Variants in OR2L13 observed in about 807,000 individuals in gnomAD.
OR2L13 encodes olfactory receptor family 2 subfamily L member 13, also known as olfactory receptor 2L13.
In OR2L13, 14 loss-of-function variants were observed where a neutral mutation model predicts 15.3. The ratio of observed to expected loss-of-function variants is 0.91; its 90% CI spans 0.60 to 1.43. The LOEUF is 1.43. Among genes scored for constraint, OR2L13 ranks in the 40% most tolerant of loss-of-function variants. The pLI is 0.00. For synonymous variants in OR2L13, 152 were observed against 142.9 expected, an observed-to-expected ratio of 1.06 and a Z score of -0.45; for missense variants, 367 against 387.9, an observed-to-expected ratio of 0.95 and a Z score of 0.45.
At chr1:248,022,546 T>G in the OR2L13 span, 1 of 1,614,204 alleles carries the variant, frequency 6.2e-7, no homozygotes, top group East Asian at 2.2e-5. Flanking sequence ...ACAGTGTTTT[T>G]GAGCAGCACC....
At chr1:247,985,614 G>T in the OR2L13 span, among the ~76,000 whole-genome samples, 2 of 151,998 alleles carry the variant, frequency 1.3e-5, no homozygotes, top group African/African-American at 2.4e-5. Flanking sequence ...TAATCCTTTG[G>T]TTATATACGC....
At chr1:247,995,594 C>A in the OR2L13 span, among the ~76,000 whole-genome samples, 218 of 152,278 alleles carry the variant, frequency 1.4e-3, no homozygotes, top group Middle Eastern at 0.01. Context: ...TTTTCTATAT[C>A]AGATTTCTTG....
the OR2L13 span, among the ~76,000 whole-genome samples, chr1:247,970,388 G>A: frequency 2.1e-4 from 32 of 152,070 alleles, no homozygotes; most frequent in East Asian, 3.5e-3. Flanking sequence ...GATCACCTTC[G>A]CTTTCATATT....
chr1:248,007,212 G>C, the OR2L13 span, among the ~76,000 whole-genome samples: 2 of 152,296 alleles, frequency 1.3e-5, no homozygotes, highest in African/African-American at 4.8e-5. Flanking sequence ...TACCTTATCA[G>C]TAAATGGCAT....
the OR2L13 span, among the ~76,000 whole-genome samples, chr1:248,043,763 A>G: frequency 6.6e-6 from 1 of 152,196 alleles, no homozygotes; most frequent in Admixed American, 6.5e-5. Context: ...CAGACAGAGT[A>G]GGGCGTTCCC....
chr1:248,060,694 A>C, the OR2L13 span: 4 of 1,612,376 alleles, frequency 2.5e-6, no homozygotes, highest in Admixed American at 6.7e-5. Flanking sequence ...GGAAAATTAC[A>C]ATCAAACATC....
the OR2L13 span, chr1:248,004,069 G>A: frequency 6.2e-7 from 1 of 1,602,256 alleles, no homozygotes; most frequent in Non-Finnish European, 8.5e-7. Context: ...TGAAAATGTA[G>A]AAACACTTTC....
chr1:248,028,922 T>C, the OR2L13 span, among the ~76,000 whole-genome samples: 1 of 152,220 alleles, frequency 6.6e-6, no homozygotes, highest in Non-Finnish European at 1.5e-5. Flanking sequence ...AGTACCGTGG[T>C]TGCACTAGAC....
the OR2L13 span, among the ~76,000 whole-genome samples, chr1:247,953,888 C>G: frequency 6.6e-6 from 1 of 151,922 alleles, no homozygotes; most frequent in African/African-American, 2.4e-5. Flanking sequence ...CCCCATATAC[C>G]TCCTAGGGAC....
At chr1:248,086,625 G>T in the OR2L13 span, among the ~76,000 whole-genome samples, 1 of 151,842 alleles carries the variant, frequency 6.6e-6, no homozygotes, top group Non-Finnish European at 1.5e-5. Context: ...TAAATATACA[G>T]CTATATTTAT....
chr1:247,958,294 G>T, the OR2L13 span, among the ~76,000 whole-genome samples: 2 of 152,192 alleles, frequency 1.3e-5, no homozygotes, highest in African/African-American at 4.8e-5. Flanking sequence ...TGATTGCACT[G>T]TGGTCTGAGA....
chr1:247,993,389 C>T, the OR2L13 span, among the ~76,000 whole-genome samples: 1 of 147,156 alleles, frequency 6.8e-6, no homozygotes. Context: ...AATTAAGTGC[C>T]TCTTGTCAAT....
At chr1:248,071,922 G>T in the OR2L13 span, among the ~76,000 whole-genome samples, 6 of 151,790 alleles carry the variant, frequency 4.0e-5, no homozygotes, top group East Asian at 9.6e-4. Context: ...GCTTACAAGG[G>T]ATGTGAAGGA....
At chr1:247,961,607 A>G in the OR2L13 span, among the ~76,000 whole-genome samples, 1 of 152,184 alleles carries the variant, frequency 6.6e-6, no homozygotes, top group African/African-American at 2.4e-5. Context: ...TAGTAGAGTC[A>G]GGGATCATGG....
chr1:248,031,647 A>G, the OR2L13 span, among the ~76,000 whole-genome samples: 1 of 152,090 alleles, frequency 6.6e-6, no homozygotes, highest in Non-Finnish European at 1.5e-5. Context: ...TCCTAGTGGG[A>G]GGGAGTTTTT....
At chr1:248,003,489 T>A in the OR2L13 span, 9,966 of 1,609,414 alleles carry the variant, frequency 6.2e-3, 563 homozygotes, top group African/African-American at 0.12. Context: ...ATGGCCTATG[T>A]TCGTTGCATT....
At chr1:248,049,634 A>G in the OR2L13 span, among the ~76,000 whole-genome samples, 1 of 152,224 alleles carries the variant, frequency 6.6e-6, no homozygotes, top group East Asian at 1.9e-4. Context: ...AAACGGAAAA[A>G]GATTTGTAAT....
At chr1:247,949,271 A>T in the OR2L13 span, 126 of 1,614,152 alleles carry the variant, frequency 7.8e-5, 5 homozygotes, top group South Asian at 1.4e-3. Flanking sequence ...TGAGCAAAAG[A>T]GTGTGTGTGC....
chr1:248,022,276 A>G, the OR2L13 span: 2 of 1,614,076 alleles, frequency 1.2e-6, no homozygotes, highest in Non-Finnish European at 8.5e-7. Flanking sequence ...GCAGGTGCAG[A>G]AGCGCTGCTC....
Sources: gnomAD v4.1 joint callset for allele counts (sites outside exome capture counted in the v4.1 genomes callset) on GRCh38, gnomAD v4.1.1 for gene constraint, MANE v1.5 for transcripts, NCBI Gene and HGNC (gene_info 2026-07-23, HGNC 2026-07-21) for gene names.